RICTOR: variants seen among roughly 807,000 people sequenced by gnomAD.
RICTOR encodes RPTOR independent companion of MTOR complex 2, also known as rapamycin-insensitive companion of mTOR.
Under a neutral mutation model 214.9 loss-of-function variants are expected in RICTOR, and 49 were observed. The ratio of observed to expected loss-of-function variants is 0.23; its 90% CI spans 0.18 to 0.29. RICTOR has a LOEUF of 0.29. RICTOR is among the 10% of genes least tolerant of loss of function. RICTOR has a pLI of 1.00. For synonymous variants in RICTOR, 717 were observed against 711.3 expected (o/e 1.01, Z -0.13); for missense variants, 1,625 against 2,047.0 (o/e 0.79, Z 3.98).
At chr5:39,017,827 G>A (rs1755081958) in intron 3 of RICTOR, among the ~76,000 whole-genome samples, 1 of 152,056 alleles carries the variant, frequency 6.6e-6, no homozygotes, top group Non-Finnish European at 1.5e-5. Context: ...GATTAAAACA[G>A]TACTGCTCAA....
Position 38,960,450 on chromosome 5 carries a change from T to C in RICTOR, c.1799A>G (p.Gln600Arg). 6.2e-7 allele frequency: 1 copy of C among 1,613,940 alleles called. No homozygotes were observed. Among genetic ancestry groups the C allele is most frequent in the South Asian group, 1.1e-5 (1 of 91,080 alleles). Residue 600 changes from glutamine (Q) to arginine (R), a missense_variant, in exon 20 of 38, where the codon CAG becomes CGG. Physicochemically the swap from Gln to Arg is conservative, Grantham distance 43. Around this residue, in one of 5 missense-constraint regions of RICTOR, gnomAD observed 1,214 missense variants for 1,470.5 expected, o/e 0.83. Coordinates refer to ENST00000357387, the MANE Select transcript of RICTOR (RefSeq NM_152756.5). ...AAACTGGCAACCTACAACCGTGAGCTGTTTGGCCTTGGCAAAATCCAGATC... is the reference window on the plus strand; with the variant it reads ...AAACTGGCAACCTACAACCGTGAGCCGTTTGGCCTTGGCAAAATCCAGATC... Reference protein sequence around the residue: ...NLDLDFAKAKQLTVVGCQFTE... With the variant: ...NLDLDFAKAKRLTVVGCQFTE...
chr5:39,002,727 A>T, intron 4 of RICTOR, 61 bp from the exon 5 acceptor site: 3 of 1,504,914 alleles, frequency 2.0e-6, no homozygotes, highest in Non-Finnish European at 2.7e-6. Flanking sequence ...ACACAAAATT[A>T]TATTACCAAA....
intron 16 of RICTOR, 62 bp downstream of exon 16, chr5:38,964,730 C>A: frequency 1.2e-6 from 1 of 832,476 alleles, no homozygotes; most frequent in Non-Finnish European, 1.9e-6. Flanking sequence ...AAAGAAGAGA[C>A]AATAATCTAA....
intron 2 of RICTOR, among the ~76,000 whole-genome samples, chr5:39,046,073 G>C (rs1168880020): frequency 3.5e-5 from 3 of 85,500 alleles, no homozygotes; most frequent in African/African-American, 1.3e-4. Context: ...ATGCTGGCCA[G>C]GTGCAGAGGC....
At chr5:39,034,832 TGGAGCCCACCGCAGCTCAAGGA>T (rs1756550320) in intron 2 of RICTOR, among the ~76,000 whole-genome samples, 1 of 152,182 alleles carries the variant, frequency 6.6e-6, no homozygotes, top group African/African-American at 2.4e-5. Flanking sequence ...TCGAACTGGG[TGGAGCCCACCGCAGCTCAAGGA>T]GGCCTGCCTG....
chr5:38,952,302 A>T lies in RICTOR; in HGVS notation c.3021T>A (p.Asp1007Glu), dbSNP rs554248795. The T allele has an allele frequency of 2.5e-6, 4 of 1,612,894 alleles. No individual in the cohort carries two copies. In the Admixed American group the frequency reaches 6.7e-5, roughly 27 times the overall value. Residue 1007 changes from aspartate to glutamate, a missense_variant, in exon 30 of 38, where the codon GAT (aspartate) becomes GAA (glutamate). Asp to Glu is a conservative substitution (Grantham distance 45, BLOSUM62 2). Coordinates refer to ENST00000357387, the MANE Select transcript of RICTOR (RefSeq NM_152756.5). ...RKHLWPVVPDDVEQLCNELSS... is the reference protein window; with the variant it reads ...RKHLWPVVPDEVEQLCNELSS... Reference sequence around the variant, plus strand: ...AAAGTTCATTACAGAGTTGTTCCACATCATCTGGAACCACTGGCCACAGAT... The same window carrying T: ...AAAGTTCATTACAGAGTTGTTCCACTTCATCTGGAACCACTGGCCACAGAT...
At chr5:39,038,439 T>C (rs962515662) in intron 2 of RICTOR, among the ~76,000 whole-genome samples, 3 of 152,146 alleles carry the variant, frequency 2.0e-5, no homozygotes, top group African/African-American at 4.8e-5. Context: ...TCACCACTCC[T>C]ATTCAACATA....
At chr5:39,034,017 T>C (rs1042664415) in intron 2 of RICTOR, among the ~76,000 whole-genome samples, 6 of 152,188 alleles carry the variant, frequency 3.9e-5, no homozygotes, top group Non-Finnish European at 7.3e-5. Context: ...TTCCAAACAA[T>C]TGCTCACTTT....
In RICTOR at chr5:38,994,419, TAAAAAAAAAAAAAA is replaced by T. The variant is rs869254811; in HGVS notation, c.456+2386_456+2399del. On this transcript the variant is annotated intron_variant, in intron 6 of 37. Transcript: ENST00000357387. ...TGTAGTACAGCTGCCAAGGTTTTAC[TAAAAAAAAAAAAAA>T]AAAAAAAAAAAAAAAAAAAGTGCTT... is the stretch of plus-strand genomic sequence containing the variant. Among the ~76,000 whole-genome samples, 92 of 57,156 alleles carry T rather than the reference TAAAAAAAAAAAAAA, an allele frequency of 1.6e-3. 1 individual carries two copies. Among genetic ancestry groups the T allele is most frequent in the Middle Eastern group, 0.018 (1 of 56 alleles). The allele number at this position is 57,156 out of a possible 152,430, so 37.5% of individuals were successfully genotyped here.
intron 6 of RICTOR, 140 bp downstream of exon 6, chr5:38,996,679 A>T (rs1753199669): frequency 3.9e-6 from 2 of 512,544 alleles, no homozygotes; most frequent in African/African-American, 2.0e-5. Flanking sequence ...GAATTTATTT[A>T]ATATAAAACT....
intron 11 of RICTOR, among the ~76,000 whole-genome samples, chr5:38,969,276 T>C (rs944854871): frequency 6.6e-6 from 1 of 151,918 alleles, no homozygotes; most frequent in Non-Finnish European, 1.5e-5. Flanking sequence ...CTGGCCTGTG[T>C]TTTTGTTTTT....
intron 2 of RICTOR, among the ~76,000 whole-genome samples, chr5:39,052,359 G>A (rs1451074418): frequency 1.3e-5 from 2 of 152,136 alleles, no homozygotes; most frequent in Non-Finnish European, 2.9e-5. Context: ...CTGGGCAACA[G>A]AATGAACCAA....
At chr5:38,983,694 TGG>T (rs1751913570) in intron 7 of RICTOR, among the ~76,000 whole-genome samples, 1 of 152,200 alleles carries the variant, frequency 6.6e-6, no homozygotes. Flanking sequence ...CCAGGCACGG[TGG>T]CTCAGGCCTG....
intron 7 of RICTOR, among the ~76,000 whole-genome samples, chr5:38,990,284 T>C (rs1180053067): frequency 4.0e-5 from 6 of 150,696 alleles, no homozygotes; most frequent in Non-Finnish European, 7.4e-5. Flanking sequence ...TAAGTGGGAG[T>C]TGAATAATGA....
intron 2 of RICTOR, among the ~76,000 whole-genome samples, chr5:39,030,305 ATAAAT>A (rs1368086045): frequency 6.6e-6 from 1 of 152,192 alleles, no homozygotes; most frequent in African/African-American, 2.4e-5. Context: ...GTAAATTATA[ATAAAT>A]TAAAGGAGTC....
intron 6 of RICTOR, 38 bp from the exon 7 acceptor site, chr5:38,991,113 T>C (rs764371767): frequency 8.0e-6 from 12 of 1,493,630 alleles, no homozygotes; most frequent in Non-Finnish European, 1.0e-5. Context: ...GTTACTTTAG[T>C]AATACATTTC....
At chr5:39,069,763 C>T (rs1759174258) in intron 2 of RICTOR, among the ~76,000 whole-genome samples, 1 of 152,204 alleles carries the variant, frequency 6.6e-6, no homozygotes, top group Non-Finnish European at 1.5e-5. Flanking sequence ...CCCTAGGCAG[C>T]TCCTCTGCTT....
intron 9 of RICTOR, among the ~76,000 whole-genome samples, chr5:38,976,375 T>A (rs1474195598): frequency 6.6e-6 from 1 of 151,916 alleles, no homozygotes; most frequent in Non-Finnish European, 1.5e-5. Flanking sequence ...ATCACAGAAC[T>A]GGGAAAAACA....
rs1554057795 is a variant in RICTOR at position 38,940,153 on chromosome 5, A to AAAAAAAAC, written c.*2150_*2151insGTTTTTTT. 4.4e-6 allele frequency: 1 copy of AAAAAAAAC among 228,870 alleles called. No homozygotes were observed. The highest frequency in any genetic ancestry group is 2.2e-5 in the African/African-American group (1 of 44,518). 14.2% of individuals were successfully genotyped at this position (228,870 alleles called of 1,614,324 possible). A position where few individuals can be genotyped will look rare whatever the true frequency, so the allele number is the denominator to read the frequency against. The stretch of plus-strand genomic sequence containing the variant: ...AGTAAAAAAAAAAAACAAAAAAAAA[A>AAAAAAAAC]ACACAAAACATTCAGGCCAATACTA... On this transcript the variant is annotated 3_prime_UTR_variant, in exon 38 of 38. Transcript: ENST00000357387.
Sources: gnomAD v4.1 joint callset for allele counts (sites outside exome capture counted in the v4.1 genomes callset) on GRCh38, gnomAD v4.1.1 for gene constraint, gnomAD v4.1.1 regional missense constraint, MANE v1.5 for transcripts, NCBI Gene and HGNC (gene_info 2026-07-23, HGNC 2026-07-21) for gene names.